CTNNA2: variants seen among roughly 807,000 people sequenced by gnomAD.
CTNNA2 encodes catenin alpha 2, also known as catenin alpha-2.
Under a neutral mutation model 101.0 loss-of-function variants are expected in CTNNA2, and 42 were observed. The ratio of observed to expected loss-of-function variants is 0.42; its 90% CI spans 0.32 to 0.54. The LOEUF (loss-of-function observed/expected upper bound fraction) is 0.54. Among genes scored for constraint, CTNNA2 ranks in the 20% least tolerant of loss-of-function variants. CTNNA2 has a pLI of 0.14. For missense variants in CTNNA2, 871 were observed against 1,223.1 expected (o/e 0.71, Z 4.29); for synonymous variants, 450 against 456.4 (o/e 0.99, Z 0.18).
chr2:80,088,027 C>A (rs1699555695), intron 7 of CTNNA2, among the ~76,000 whole-genome samples: 1 of 151,978 alleles, frequency 6.6e-6, no homozygotes, highest in African/African-American at 2.4e-5. Flanking sequence ...CAAGGAACTA[C>A]CAGTTCTGAG....
At chr2:80,488,100 C>T (rs1359851210) in intron 9 of CTNNA2, among the ~76,000 whole-genome samples, 1 of 152,088 alleles carries the variant, frequency 6.6e-6, no homozygotes, top group South Asian at 2.1e-4. Flanking sequence ...TTGCAATTTT[C>T]GAGTTTCCGA....
At chr2:79,801,062 A>G (rs1446985562) in intron 3 of CTNNA2, among the ~76,000 whole-genome samples, 2 of 152,234 alleles carry the variant, frequency 1.3e-5, no homozygotes, top group Non-Finnish European at 2.9e-5. Context: ...ATAGTAGTTT[A>G]TGTACTAATT....
intron 3 of CTNNA2, among the ~76,000 whole-genome samples, chr2:79,764,979 G>A (rs1005674341): frequency 6.6e-6 from 1 of 151,872 alleles, no homozygotes; most frequent in Middle Eastern, 3.4e-3. Flanking sequence ...TAGAAATAGT[G>A]AGAGTAATTA....
intron 18 of CTNNA2, among the ~76,000 whole-genome samples, chr2:80,632,499 C>A (rs777124725): frequency 6.6e-6 from 1 of 152,140 alleles, no homozygotes; most frequent in Non-Finnish European, 1.5e-5. Context: ...GGGCCCCAAG[C>A]ATGTTTCCTG....
In CTNNA2 at chr2:79,553,728, C is replaced by T. The variant is rs547488255; in HGVS notation, c.-6+40521C>T. Among the ~76,000 whole-genome samples, 214 of 152,306 alleles carry T rather than the reference C, an allele frequency of 1.4e-3. 1 individual carries two copies. Among genetic ancestry groups the T allele is most frequent in the Middle Eastern group, 0.014 (4 of 294 alleles). On this transcript the variant is annotated intron_variant, in intron 1 of 18. Transcript: ENST00000402739. ...TGAGAACAACAGGGGGATGTCTGCC[C>T]TCTTGATCCATTCACCTACTACCAG...
In CTNNA2 at chr2:79,306,931, T is replaced by A. The variant is rs571146028; in HGVS notation, c.-405-5778T>A. Among the ~76,000 whole-genome samples the A allele has an allele frequency of 5.9e-5, 9 of 152,320 alleles. No individual in the cohort carries two copies. The South Asian group carries it at 1.9e-3, about 32-fold the overall frequency. On this transcript the variant is annotated intron_variant, in intron 2 of 21. Transcript: ENST00000466387. ...TGGTTTTGCCTTTTGTGGAATCCCA[T>A]TCATAGTTTCCTCAGCTTTCTGTTG...
chr2:80,177,560 G>A (rs973196083), intron 7 of CTNNA2, among the ~76,000 whole-genome samples: 1 of 152,126 alleles, frequency 6.6e-6, no homozygotes, highest in African/African-American at 2.4e-5. Context: ...CTGTTACCAT[G>A]GCCACTTTTT....
chr2:79,484,003 G>A (rs937222925), intron 4 of CTNNA2, among the ~76,000 whole-genome samples: 1 of 152,092 alleles, frequency 6.6e-6, no homozygotes, highest in African/African-American at 2.4e-5. Context: ...GTATGGTTGG[G>A]AGGCCGAGGC....
intron 1 of CTNNA2, among the ~76,000 whole-genome samples, chr2:79,596,263 A>C (rs566816768): frequency 6.6e-6 from 1 of 152,188 alleles, no homozygotes; most frequent in East Asian, 1.9e-4. Flanking sequence ...ATTTGAACTA[A>C]GTATTTTAGA....
At chr2:80,142,907 A>G (rs1703099978) in intron 7 of CTNNA2, among the ~76,000 whole-genome samples, 1 of 147,782 alleles carries the variant, frequency 6.8e-6, no homozygotes, top group South Asian at 2.1e-4. Flanking sequence ...AAGATTAACT[A>G]CCGTTGACAA....
At chr2:80,075,243 C>G (rs1698598212) in intron 7 of CTNNA2, among the ~76,000 whole-genome samples, 1 of 152,078 alleles carries the variant, frequency 6.6e-6, no homozygotes, top group Non-Finnish European at 1.5e-5. Context: ...AGCCATCCAT[C>G]CTGTACCATC....
At chr2:80,241,283 A>G (rs1670918764) in intron 7 of CTNNA2, among the ~76,000 whole-genome samples, 1 of 151,798 alleles carries the variant, frequency 6.6e-6, no homozygotes, top group South Asian at 2.1e-4. Context: ...AGTGACCAGG[A>G]AAATTGAGAC....
chr2:79,495,090 A>G (rs564721448), intron 4 of CTNNA2, among the ~76,000 whole-genome samples: 23 of 152,236 alleles, frequency 1.5e-4, no homozygotes, highest in Non-Finnish European at 3.1e-4. Flanking sequence ...GCGACAGAGC[A>G]AAACTCCGTC....
intron 7 of CTNNA2, among the ~76,000 whole-genome samples, chr2:80,220,553 C>T (rs1247910368): frequency 6.6e-6 from 1 of 152,176 alleles, no homozygotes; most frequent in East Asian, 1.9e-4. Flanking sequence ...AAGACCTCGG[C>T]TCTATTAAAA....
At position 80,269,890 on chromosome 2, in the gene CTNNA2, C is replaced by T. The variant is rs191512852; in HGVS notation, c.1057-123321C>T. Among the ~76,000 whole-genome samples, 553 of 152,122 alleles carry T rather than the reference C, an allele frequency of 3.6e-3. 4 individuals carry two copies. The highest frequency in any genetic ancestry group is 0.013 in the African/African-American group (527 of 41,496). ...TGAGTTGAAATAGAAACACCTCTAG[C>T]GTTTTCTTAAAGTGTTATGAGCGCC... On this transcript the variant is annotated intron_variant, in intron 7 of 18. Coordinates refer to ENST00000402739, the MANE Select transcript of CTNNA2 (RefSeq NM_001282597.3).
At chr2:79,930,286 G>T (rs891370171) in intron 7 of CTNNA2, among the ~76,000 whole-genome samples, 1 of 75,200 alleles carries the variant, frequency 1.3e-5, no homozygotes, top group Non-Finnish European at 3.1e-5. Flanking sequence ...AAGAGAGAGA[G>T]AGAGAAAGAG....
intron 7 of CTNNA2, among the ~76,000 whole-genome samples, chr2:79,956,043 A>T (rs545659481): frequency 1.3e-5 from 2 of 152,246 alleles, no homozygotes; most frequent in Non-Finnish European, 2.9e-5. Flanking sequence ...AAACTGCTGC[A>T]TAGATTTAGG....
intron 8 of CTNNA2, among the ~76,000 whole-genome samples, chr2:80,417,253 CTT>C (rs34053962): frequency 2.0e-5 from 3 of 149,458 alleles, no homozygotes; most frequent in African/African-American, 7.3e-5. Context: ...ATCTTATATA[CTT>C]TTTTTTTGGT....
At chr2:79,804,439 T>A (rs912962442) in intron 3 of CTNNA2, among the ~76,000 whole-genome samples, 3 of 152,252 alleles carry the variant, frequency 2.0e-5, no homozygotes, top group Non-Finnish European at 2.9e-5. Flanking sequence ...GTTAAAGCAA[T>A]AGAAATATAA....
Sources: allele counts gnomAD v4.1 joint callset (sites outside exome capture counted in the v4.1 genomes callset), GRCh38; gene constraint gnomAD v4.1.1; transcripts MANE v1.5; gene names NCBI Gene and HGNC (gene_info 2026-07-23, HGNC 2026-07-21).